NOL4: variants seen among roughly 807,000 people sequenced by gnomAD.
NOL4 encodes the protein nucleolar protein 4.
Under a neutral mutation model 75.9 loss-of-function variants are expected in NOL4, and 17 were observed. The ratio of observed to expected loss-of-function variants is 0.22; its 90% CI spans 0.15 to 0.34. NOL4 has a LOEUF of 0.34. Ranked by LOEUF, NOL4 falls within the 10% of genes least tolerant of loss-of-function variation. NOL4 has a pLI of 1.00. For missense variants in NOL4, 614 were observed against 793.5 expected (o/e 0.77, Z 2.72); for synonymous variants, 292 against 289.9 (o/e 1.01, Z -0.07).
At chr18:33,932,787 A>T (rs962786840) in intron 9 of NOL4, among the ~76,000 whole-genome samples, 3 of 152,060 alleles carry the variant, frequency 2.0e-5, no homozygotes, top group African/African-American at 7.2e-5. Context: ...TGACCTGGAG[A>T]AATTTTTTCA....
intron 8 of NOL4, among the ~76,000 whole-genome samples, chr18:33,948,074 C>CA (rs964724624): frequency 6.6e-6 from 1 of 151,876 alleles, no homozygotes; most frequent in South Asian, 2.1e-4. Flanking sequence ...TTTGCAATTA[C>CA]AAAAAAGTAC....
chr18:34,156,136 A>C (rs551539941), intron 1 of NOL4, among the ~76,000 whole-genome samples: 1 of 152,254 alleles, frequency 6.6e-6, no homozygotes, highest in South Asian at 2.1e-4. Flanking sequence ...AAGGCTGCAG[A>C]ACTTCCCGTG....
intron 5 of NOL4, among the ~76,000 whole-genome samples, chr18:34,090,924 T>C (rs750995719): frequency 6.6e-6 from 1 of 152,056 alleles, no homozygotes; most frequent in Non-Finnish European, 1.5e-5. Flanking sequence ...CAATGGGATA[T>C]GACATGGTTG....
At chr18:34,070,253 T>C (rs897260375) in intron 5 of NOL4, among the ~76,000 whole-genome samples, 18 of 152,116 alleles carry the variant, frequency 1.2e-4, no homozygotes, top group Non-Finnish European at 1.8e-4. Flanking sequence ...TATCCTGACC[T>C]CGTGATCCGC....
intron 2 of NOL4, among the ~76,000 whole-genome samples, chr18:34,128,007 A>G (rs1474745664): frequency 6.6e-6 from 1 of 151,928 alleles, no homozygotes; most frequent in African/African-American, 2.4e-5. Context: ...CCCAAAATGC[A>G]GAAAATGTCT....
intron 4 of NOL4, among the ~76,000 whole-genome samples, chr18:34,096,155 G>T (rs567285458): frequency 2.0e-4 from 30 of 151,850 alleles, no homozygotes; most frequent in Non-Finnish European, 4.0e-4. Flanking sequence ...TCAGATGAGA[G>T]ATTAAAATGT....
chr18:34,098,434 T>A (rs556795510), intron 4 of NOL4, among the ~76,000 whole-genome samples: 1 of 152,276 alleles, frequency 6.6e-6, no homozygotes, highest in East Asian at 1.9e-4. Context: ...AACCGGGTAC[T>A]TAAGTGAGGT....
intron 1 of NOL4, among the ~76,000 whole-genome samples, chr18:34,157,656 A>G (rs1038647613): frequency 5.3e-5 from 8 of 152,176 alleles, no homozygotes; most frequent in African/African-American, 1.9e-4. Flanking sequence ...GTATCAAAAA[A>G]GGAAAAGAGA....
chr18:33,998,201 A>G (rs2073431250), intron 6 of NOL4, among the ~76,000 whole-genome samples: 1 of 151,998 alleles, frequency 6.6e-6, no homozygotes, highest in Non-Finnish European at 1.5e-5. Flanking sequence ...AACCATAGTG[A>G]TGGTTGCATA....
Position 33,957,406 on chromosome 18 carries a change from CAG to C in NOL4, c.1346_1347del (p.Pro449ArgfsTer26). 6.2e-7 allele frequency: 1 copy of C among 1,613,742 alleles called. No homozygotes were observed. The highest frequency in any genetic ancestry group is 2.2e-5 in the East Asian group (1 of 44,828). On this transcript the variant is annotated frameshift_variant, in exon 8 of 11. Coordinates refer to ENST00000261592, the MANE Select transcript of NOL4 (RefSeq NM_003787.5). LOFTEE classifies it high-confidence loss of function. ...AIIDSCRRQF[P>X]EYQERARKRI... is the part of the protein sequence containing the mutation. ...CGTTTTCTGGCACGCTCTTGATACT[CAG>C]GGAATTGTCGCCTGCATGAGTCAAT...
Position 34,019,364 on chromosome 18 carries a change from A to G in NOL4, c.1010T>C (p.Ile337Thr), listed in dbSNP as rs773755694. 14 of 1,614,048 alleles carry G rather than the reference A, an allele frequency of 8.7e-6. No homozygotes were observed. In the South Asian group the frequency reaches 1.5e-4, roughly 18 times the overall value. Residue 337 changes from isoleucine to threonine, a missense_variant, in exon 6 of 11, where the codon ATT becomes ACT. Physicochemically the swap from Ile to Thr is moderately conservative, Grantham distance 89. This residue lies in a region of NOL4 where 196 missense variants were observed against 167.9 expected (regional missense o/e 1.17). Transcript: ENST00000261592. ...NGKNKYKNLL[I>T]SDLKMEREAR... The stretch of plus-strand genomic sequence containing the variant: ...CTCTCGTTCCATCTTGAGGTCAGAA[A>G]TTAGAAGATTCTTATACTTGTTTTT...
chr18:34,176,458 G>A (rs1267710903), intron 1 of NOL4, among the ~76,000 whole-genome samples: 2 of 152,002 alleles, frequency 1.3e-5, no homozygotes, highest in African/African-American at 4.8e-5. Flanking sequence ...AAAACACACT[G>A]AACTCCCCAT....
chr18:34,213,789 T>G (rs1417029450), intron 1 of NOL4, among the ~76,000 whole-genome samples: 1 of 152,134 alleles, frequency 6.6e-6, no homozygotes, highest in African/African-American at 2.4e-5. Context: ...AATTAACCAT[T>G]CTGTTATAAC....
chr18:33,880,950 A>C (rs2064228965), intron 10 of NOL4, among the ~76,000 whole-genome samples: 1 of 152,046 alleles, frequency 6.6e-6, no homozygotes, highest in South Asian at 2.1e-4. Flanking sequence ...TGTTTTTATT[A>C]ATAGCAGATT....
intron 9 of NOL4, among the ~76,000 whole-genome samples, chr18:33,907,763 G>A (rs1170565531): frequency 6.6e-6 from 1 of 152,094 alleles, no homozygotes; most frequent in Non-Finnish European, 1.5e-5. Context: ...GACACATAAA[G>A]GAGCTTTATA....
intron 2 of NOL4, among the ~76,000 whole-genome samples, chr18:34,107,193 G>A (rs1199631240): frequency 6.6e-6 from 1 of 152,022 alleles, no homozygotes; most frequent in Non-Finnish European, 1.5e-5. Flanking sequence ...CCTATGACTT[G>A]TCTAGCAGCA....
intron 2 of NOL4, among the ~76,000 whole-genome samples, chr18:34,113,133 C>A (rs2079682605): frequency 6.8e-6 from 1 of 147,796 alleles, no homozygotes. Context: ...CTAAGCCCAA[C>A]TTTTTTTGTT....
At chr18:34,199,220 T>C (rs369758870) in intron 1 of NOL4, among the ~76,000 whole-genome samples, 1 of 150,216 alleles carries the variant, frequency 6.7e-6, no homozygotes, top group Admixed American at 6.7e-5. Context: ...AATCCTTAGA[T>C]GGCTTCAGCT....
intron 1 of NOL4, among the ~76,000 whole-genome samples, chr18:34,140,807 G>A (rs1372161404): frequency 6.6e-6 from 1 of 152,118 alleles, no homozygotes; most frequent in Non-Finnish European, 1.5e-5. Flanking sequence ...TGTTTTTGCA[G>A]TGGCTGATAC....
Sources: allele counts gnomAD v4.1 joint callset (sites outside exome capture counted in the v4.1 genomes callset), GRCh38; gene constraint gnomAD v4.1.1; regional missense constraint gnomAD v4.1.1; transcripts MANE v1.5; gene names NCBI Gene and HGNC (gene_info 2026-07-23, HGNC 2026-07-21).